Variants in RP1L1 observed in about 807,000 individuals in gnomAD.
The protein encoded by RP1L1 is retinitis pigmentosa 1-like 1 protein.
In RP1L1, 27 loss-of-function variants were observed where a neutral mutation model predicts 15.7. The ratio of observed to expected loss-of-function variants is 1.72; its 90% CI spans 1.27 to 2.38. The LOEUF (loss-of-function observed/expected upper bound fraction) is 2.38, where lower values mean the gene tolerates loss of function less well. RP1L1 is among the 30% of genes most tolerant of loss of function. The probability of loss-of-function intolerance (pLI) is 0.00; values close to 1 mark genes in which losing one functional copy is unlikely to be tolerated. For synonymous variants in RP1L1, 1,813 were observed against 1,276.7 expected (o/e 1.42, Z -8.96); for missense variants, 4,798 against 3,075.9 (o/e 1.56, Z -13.24).
intron 3 of RP1L1, among the ~76,000 whole-genome samples, chr8:10,616,121 C>T (rs552934489): frequency 6.6e-5 from 10 of 152,130 alleles, no homozygotes; most frequent in Middle Eastern, 3.4e-3. Flanking sequence ...GTTGCCCAGG[C>T]GGGTGTCCAA....
chr8:10,608,612 C>T lies in RP1L1; in HGVS notation c.5486G>A (p.Ser1829Asn), dbSNP rs748796400. The change falls in exon 4 of 4, where the codon AGT (serine) becomes AAT (asparagine). Residue 1829 changes from serine (S) to asparagine (N), a missense_variant. Transcript: ENST00000382483. ...GGCCTCTATGCCTTCGGCCCCATCA[C>T]TCTGTCCTGGATCTTGGTCACCTCC... ...AAGGDQDPGQ[S>N]DGAEGIEAPE... 3.1e-6 allele frequency: 5 copies of T among 1,614,168 alleles called. No homozygotes were observed. The highest frequency in any genetic ancestry group is 1.1e-5 in the South Asian group (1 of 91,076).
Position 10,622,787 on chromosome 8 carries a change from G to C in RP1L1, c.415C>G (p.Pro139Ala), listed in dbSNP as rs200743572. 1.2e-5 allele frequency: 20 copies of C among 1,613,796 alleles called. No homozygotes were observed. Among genetic ancestry groups the C allele is most frequent in the African/African-American group, 1.2e-4 (9 of 74,870 alleles). ...CTCTTCCGGGAGGAGGAGGTGCCTGGGGCTTCACGCTGGCCTTCGACATCC... is the reference window on the plus strand; with the variant it reads ...CTCTTCCGGGAGGAGGAGGTGCCTGCGGCTTCACGCTGGCCTTCGACATCC... ...LRDVEGQREA[P>A]GTSSSRKSLK... Residue 139 changes from proline to alanine, a missense_variant, in exon 2 of 4, where the codon CCA becomes GCA. Coordinates refer to ENST00000382483, the MANE Select transcript of RP1L1 (RefSeq NM_178857.6).
chr8:10,637,628 G>T (rs1294321248), intron 1 of RP1L1, among the ~76,000 whole-genome samples: 1 of 152,136 alleles, frequency 6.6e-6, no homozygotes, highest in African/African-American at 2.4e-5. Context: ...CCCATTTATA[G>T]TCACTAGATC....
chr8:10,631,993 A>T (rs1798260189), intron 1 of RP1L1, among the ~76,000 whole-genome samples: 1 of 152,118 alleles, frequency 6.6e-6, no homozygotes, highest in Non-Finnish European at 1.5e-5. Flanking sequence ...TTTCCTTGAG[A>T]ATGTTTTTGT....
At chr8:10,635,746 G>C (rs1400225284) in intron 1 of RP1L1, among the ~76,000 whole-genome samples, 2 of 152,216 alleles carry the variant, frequency 1.3e-5, no homozygotes, top group South Asian at 4.1e-4. Context: ...TGGAGGATGT[G>C]GGAGACTTTT....
chr8:10,609,828 C>G lies in RP1L1; in HGVS notation c.4270G>C (p.Asp1424His), dbSNP rs776483849. The change falls in exon 4 of 4, where the codon GAT (aspartate) becomes CAT (histidine). Residue 1424 changes from aspartate (D) to histidine (H), a missense_variant. Transcript: ENST00000382483. ...GCTTCCTCCTCCTGGACTGGGTCAT[C>G]TTCCTGGGAGCCTTTCCCATCCGGA... is the stretch of plus-strand genomic sequence containing the variant. Reference protein sequence around the residue: ...SSPDGKGSQEDDPVQEEEAGR... With the variant: ...SSPDGKGSQEHDPVQEEEAGR... The G allele has an allele frequency of 3.1e-6, 5 of 1,614,016 alleles. No homozygotes were observed. The Admixed American group carries it at 8.3e-5, about 27-fold the overall frequency.
chr8:10,653,728 G>C (rs1458953786), intron 1 of RP1L1, among the ~76,000 whole-genome samples: 1 of 152,206 alleles, frequency 6.6e-6, no homozygotes, highest in African/African-American at 2.4e-5. Context: ...CCTCCTGTTA[G>C]AAGAGAGCAG....
rs775084827 is a variant in RP1L1, at chr8:10,613,178, T to A, written c.920A>T (p.Asp307Val). The change falls in exon 4 of 4, where the codon GAT becomes GTT. Residue 307 changes from aspartate (D) to valine (V), a missense_variant. Transcript: ENST00000382483. ...CATGCGGACCTTCTTCTTCATGTCA[T>A]CGCCAGCCACCAGCGGGCCCGACTG... ...PAQSGPLVAG[D>V]DMKKKVRMNE... is the part of the protein sequence containing the mutation. 2 of 1,613,682 alleles carry A rather than the reference T, an allele frequency of 1.2e-6. No individual in the cohort carries two copies. The highest frequency in any genetic ancestry group is 1.1e-5 in the South Asian group (1 of 91,090).
intron 1 of RP1L1, among the ~76,000 whole-genome samples, chr8:10,635,120 G>T (rs1459025656): frequency 2.6e-5 from 4 of 152,214 alleles, no homozygotes; most frequent in African/African-American, 9.7e-5. Context: ...AGAGGCTGGG[G>T]ACTCGGGTGA....
chr8:10,616,729 G>C lies in RP1L1; in HGVS notation c.610-142C>G, dbSNP rs1797973005. On this transcript the variant is annotated intron_variant, in intron 2 of 3. Transcript: ENST00000382483. Reference sequence around the variant, plus strand: ...CCCCAGACTCCTGGTCCAAGGAGGGGTCTTATCCACTCCCCATAACACCTC... The same window carrying C: ...CCCCAGACTCCTGGTCCAAGGAGGGCTCTTATCCACTCCCCATAACACCTC... 9 of 961,978 alleles carry C rather than the reference G, an allele frequency of 9.4e-6. No individual in the cohort carries two copies. In the East Asian group the frequency reaches 2.1e-4, roughly 23 times the overall value. The allele number at this position is 961,978 out of a possible 1,614,324, so 59.6% of individuals were successfully genotyped here.
At position 10,622,709 on chromosome 8, in the gene RP1L1, G is replaced by A; in HGVS notation, c.493C>T (p.Gln165Ter). 6.2e-7 allele frequency: 1 copy of A among 1,614,184 alleles called. No homozygotes were observed. The highest frequency in any genetic ancestry group is 1.3e-5 in the African/African-American group (1 of 75,048). Reference protein sequence around the residue: ...LLIKNMDPRLQQTVVLSHRNT... With the variant: ...LLIKNMDPRL ...CTGTGACTGAGAACCACTGTCTGCT[G>A]GAGGCGAGGGTCCATGTTCTTAATC... Residue 165 changes from glutamine to a stop codon, truncating the protein, a stop_gained, in exon 2 of 4, where the codon CAG (glutamine) becomes TAG (stop). Transcript: ENST00000382483. LOFTEE classifies it high-confidence loss of function.
At chr8:10,650,408 C>T (rs899185768) in intron 1 of RP1L1, among the ~76,000 whole-genome samples, 1 of 152,176 alleles carries the variant, frequency 6.6e-6, no homozygotes, top group Non-Finnish European at 1.5e-5. Context: ...GCGGCATCAG[C>T]CAGGGTGTTA....
In RP1L1 at chr8:10,612,185, T is replaced by A; in HGVS notation, c.1913A>T (p.Gln638Leu). ...ACTGGCCCGGCTTCTGTGCCTTCTC[T>A]GCCCCTGCTGGGATGAAGTGCAGGT... ...PSTCTSSQQG[Q>L]RRHRSRASAM... Residue 638 changes from glutamine (Q) to leucine (L), a missense_variant, in exon 4 of 4, where the codon CAG (glutamine) becomes CTG (leucine). Coordinates refer to ENST00000382483, the MANE Select transcript of RP1L1 (RefSeq NM_178857.6). 6.2e-7 allele frequency: 1 copy of A among 1,613,348 alleles called. No individual in the cohort carries two copies. Among genetic ancestry groups the A allele is most frequent in the Non-Finnish European group, 8.5e-7 (1 of 1,180,000 alleles).
chr8:10,633,975 G>C (rs1295786896), intron 1 of RP1L1, among the ~76,000 whole-genome samples: 1 of 152,148 alleles, frequency 6.6e-6, no homozygotes. Flanking sequence ...TCTGCCTGTG[G>C]AGAAGGGTGC....
At chr8:10,652,553 C>T (rs1215860472) in intron 1 of RP1L1, among the ~76,000 whole-genome samples, 4 of 152,176 alleles carry the variant, frequency 2.6e-5, no homozygotes, top group African/African-American at 7.2e-5. Context: ...TTCAATGACT[C>T]GCCCAAGGTT....
At chr8:10,633,811 A>G (rs1002164179) in intron 1 of RP1L1, among the ~76,000 whole-genome samples, 2 of 152,216 alleles carry the variant, frequency 1.3e-5, no homozygotes, top group African/African-American at 4.8e-5. Flanking sequence ...TATACAATAC[A>G]AGGTATATGT....
chr8:10,630,005 T>G (rs1188946419), intron 1 of RP1L1, among the ~76,000 whole-genome samples: 3 of 152,192 alleles, frequency 2.0e-5, no homozygotes, highest in Non-Finnish European at 4.4e-5. Context: ...TGTTTTGCCT[T>G]TAACATGCCT....
At chr8:10,647,998 C>A (rs1404469363) in intron 1 of RP1L1, among the ~76,000 whole-genome samples, 1 of 152,014 alleles carries the variant, frequency 6.6e-6, no homozygotes, top group Non-Finnish European at 1.5e-5. Flanking sequence ...TCCTCACTAG[C>A]ATTTGTTGTT....
chr8:10,629,247 G>T (rs1229741637), intron 1 of RP1L1, among the ~76,000 whole-genome samples: 2 of 152,216 alleles, frequency 1.3e-5, no homozygotes, highest in Non-Finnish European at 2.9e-5. Context: ...GGTGCTGGAG[G>T]TAGCTGCCAA....
Sources: allele counts gnomAD v4.1 joint callset (sites outside exome capture counted in the v4.1 genomes callset), GRCh38; gene constraint gnomAD v4.1.1; transcripts MANE v1.5; gene names NCBI Gene and HGNC (gene_info 2026-07-23, HGNC 2026-07-21).